The following ARHGEF38 variants were observed in gnomAD, a reference collection of about 807,000 sequenced individuals.
ARHGEF38 encodes Rho guanine nucleotide exchange factor 38, also known as Rho guanine nucleotide exchange factor (GEF) 38.
ARHGEF38 carries 79 observed loss-of-function variants against 79.9 expected under a neutral mutation model. That is an observed-to-expected ratio of 0.99 (90% CI 0.82 to 1.19). The LOEUF is 1.19. Ranked by LOEUF, ARHGEF38 falls within the 50% of genes most tolerant of loss-of-function variation. The pLI is 0.00. For missense variants in ARHGEF38, 962 were observed against 907.2 expected (o/e 1.06, Z -0.78); for synonymous variants, 366 against 328.3 (o/e 1.11, Z -1.24).
chr4:105,568,217 C>T (rs1726036576), intron 1 of ARHGEF38, among the ~76,000 whole-genome samples: 1 of 151,998 alleles, frequency 6.6e-6, no homozygotes, highest in Admixed American at 6.6e-5. Flanking sequence ...GACATTTATG[C>T]AGCCAAAAAA....
intron 2 of ARHGEF38, among the ~76,000 whole-genome samples, chr4:105,602,819 G>A (rs1359250610): frequency 3.3e-5 from 5 of 151,922 alleles, no homozygotes; most frequent in Non-Finnish European, 7.4e-5. Context: ...AAAGGTAGTT[G>A]TTCAAAAAAA....
At chr4:105,596,162 T>A (rs1329060394) in intron 2 of ARHGEF38, among the ~76,000 whole-genome samples, 1 of 152,126 alleles carries the variant, frequency 6.6e-6, no homozygotes, top group Non-Finnish European at 1.5e-5. Context: ...GTCAGGATGG[T>A]GGGGAGTATA....
intron 1 of ARHGEF38, 136 bp downstream of exon 1, chr4:105,553,097 T>A (rs1384549420): frequency 1.6e-6 from 1 of 643,430 alleles, no homozygotes; most frequent in Non-Finnish European, 2.5e-6. Context: ...AATAAGAAGA[T>A]GAAAGTAAAT....
At chr4:105,565,307 T>G (rs1422521780) in intron 1 of ARHGEF38, among the ~76,000 whole-genome samples, 1 of 152,340 alleles carries the variant, frequency 6.6e-6, no homozygotes, top group East Asian at 1.9e-4. Flanking sequence ...CATGCAATTA[T>G]TTTCAACCTA....
intron 13 of ARHGEF38, among the ~76,000 whole-genome samples, chr4:105,675,142 G>C (rs116402759): frequency 0.023 from 3,499 of 152,194 alleles, 44 homozygotes; most frequent in Middle Eastern, 0.051. Context: ...AGAAACTCCA[G>C]TCCCTCTCCG....
At chr4:105,668,276 G>A (rs2110579072) in intron 13 of ARHGEF38, among the ~76,000 whole-genome samples, 1 of 152,076 alleles carries the variant, frequency 6.6e-6, no homozygotes, top group East Asian at 1.9e-4. Flanking sequence ...CCGCCTCCCA[G>A]GTTCAAGCAA....
chr4:105,613,103 A>G (rs1325485153), intron 2 of ARHGEF38, among the ~76,000 whole-genome samples: 1 of 152,130 alleles, frequency 6.6e-6, no homozygotes, highest in Non-Finnish European at 1.5e-5. Context: ...GTTAATACCA[A>G]TTAGGCCCAA....
At chr4:105,569,886 C>CT (rs1370660007) in intron 1 of ARHGEF38, 4 of 152,180 alleles carry the variant, frequency 2.6e-5, no homozygotes, top group African/African-American at 9.7e-5. Context: ...TACTATTATT[C>CT]TTTTTCTCTT....
At chr4:105,663,931 T>C (rs557400131) in intron 10 of ARHGEF38, among the ~76,000 whole-genome samples, 19 of 151,090 alleles carry the variant, frequency 1.3e-4, no homozygotes, top group African/African-American at 4.1e-4. Context: ...GATTGCACTA[T>C]TGCACTCCAG....
chr4:105,640,522 G>A (rs769773204), intron 5 of ARHGEF38, among the ~76,000 whole-genome samples: 1 of 152,046 alleles, frequency 6.6e-6, no homozygotes, highest in Non-Finnish European at 1.5e-5. Flanking sequence ...CTCCAGTCCA[G>A]TTGGACTGGT....
At chr4:105,660,649 A>G (rs1283440762) in intron 10 of ARHGEF38, among the ~76,000 whole-genome samples, 1 of 152,156 alleles carries the variant, frequency 6.6e-6, no homozygotes, top group Non-Finnish European at 1.5e-5. Context: ...CATTTTGGTC[A>G]GGCTGGTCTC....
intron 3 of ARHGEF38, among the ~76,000 whole-genome samples, chr4:105,628,696 AAC>A (rs934254838): frequency 1.3e-5 from 2 of 151,830 alleles, no homozygotes; most frequent in African/African-American, 4.8e-5. Flanking sequence ...AAAATCTTAA[AAC>A]ACACACACAC....
chr4:105,654,931 A>T (rs1034981234), intron 8 of ARHGEF38, among the ~76,000 whole-genome samples: 17 of 152,150 alleles, frequency 1.1e-4, no homozygotes, highest in Middle Eastern at 3.2e-3. Flanking sequence ...CCGTTTCTGG[A>T]AGCAGATGTT....
In ARHGEF38 at chr4:105,680,240, A is replaced by G. The variant is rs1731262872; in HGVS notation, c.*2303A>G. 2.4e-6 allele frequency: 1 copy of G among 410,214 alleles called. No individual in the cohort carries two copies. The highest frequency in any genetic ancestry group is 4.6e-6 in the Non-Finnish European group (1 of 218,790). 25.4% of individuals were successfully genotyped at this position (410,214 alleles called of 1,614,324 possible). A position where few individuals can be genotyped will look rare whatever the true frequency, so the allele number is the denominator to read the frequency against. On this transcript the variant is annotated 3_prime_UTR_variant, in exon 14 of 14. Transcript: ENST00000420470. ...TTAAGTCACTAAAATCTGTAGTTAT[A>G]TAATCTTACATAAAGCATATGCAAA...
chr4:105,589,514 G>T (rs1727222692), intron 2 of ARHGEF38, 79 bp downstream of exon 2: 4 of 1,286,664 alleles, frequency 3.1e-6, no homozygotes, highest in Non-Finnish European at 4.2e-6. Flanking sequence ...GAAGCACTCA[G>T]GTGTATCAAT....
intron 13 of ARHGEF38, among the ~76,000 whole-genome samples, chr4:105,676,702 G>A (rs2110589676): frequency 6.6e-6 from 1 of 151,946 alleles, no homozygotes; most frequent in East Asian, 1.9e-4. Flanking sequence ...TCTTTTGACT[G>A]AAATATTGTA....
chr4:105,620,082 G>A (rs2110501708), intron 3 of ARHGEF38, among the ~76,000 whole-genome samples: 1 of 152,296 alleles, frequency 6.6e-6, no homozygotes, highest in East Asian at 1.9e-4. Context: ...GCATATGCTT[G>A]CAGATCTGAG....
intron 10 of ARHGEF38, among the ~76,000 whole-genome samples, chr4:105,660,213 T>C (rs185730958): frequency 3.9e-5 from 6 of 152,298 alleles, no homozygotes; most frequent in Non-Finnish European, 5.9e-5. Flanking sequence ...CTCACACTCA[T>C]ACCTGTTCCT....
intron 9 of ARHGEF38, 66 bp downstream of exon 9, chr4:105,655,788 TG>T: frequency 6.8e-7 from 1 of 1,462,860 alleles, no homozygotes; most frequent in Non-Finnish European, 9.1e-7. Context: ...AGCTGCTTTT[TG>T]TTTGTTTTTC....
Sources: allele counts gnomAD v4.1 joint callset (sites outside exome capture counted in the v4.1 genomes callset), GRCh38; gene constraint gnomAD v4.1.1; transcripts MANE v1.5; gene names NCBI Gene and HGNC (gene_info 2026-07-23, HGNC 2026-07-21).